MAPT: variants seen among roughly 807,000 people sequenced by gnomAD.
MAPT encodes the protein microtubule associated protein tau.
Under a neutral mutation model 67.9 loss-of-function variants are expected in MAPT, and 34 were observed. That is an observed-to-expected ratio of 0.50 (90% confidence interval 0.38 to 0.67). The LOEUF (loss-of-function observed/expected upper bound fraction) is 0.67, where lower values mean the gene tolerates loss of function less well. Among genes scored for constraint, MAPT ranks in the 30% least tolerant of loss-of-function variants. The pLI, the probability that MAPT is intolerant of heterozygous loss-of-function variation, is 0.00. For missense variants in MAPT, 881 were observed against 1,115.2 expected (o/e 0.79, Z 2.99); for synonymous variants, 456 against 464.5 (o/e 0.98, Z 0.23).
chr17:45,919,549 T>TC (rs1297955981), intron 1 of MAPT, among the ~76,000 whole-genome samples: 1 of 152,116 alleles, frequency 6.6e-6, no homozygotes, highest in Non-Finnish European at 1.5e-5. Context: ...GTTTCTACCT[T>TC]CCCCTCCCTA....
chr17:45,916,131 C>T (rs994693201), intron 1 of MAPT, among the ~76,000 whole-genome samples: 1 of 152,172 alleles, frequency 6.6e-6, no homozygotes, highest in Admixed American at 6.5e-5. Context: ...GGACTGAGAG[C>T]GCAGCCCCAG....
rs1172399681 is a variant in MAPT at position 46,023,937 on chromosome 17, T to TC, written c.2287-16dup. The TC allele has an allele frequency of 6.2e-7, 1 of 1,610,172 alleles. No individual in the cohort carries two copies. Among genetic ancestry groups the TC allele is most frequent in the Non-Finnish European group, 8.5e-7 (1 of 1,177,044 alleles). On this transcript the variant is annotated intron_variant, in intron 12 of 12. Coordinates refer to ENST00000262410, the MANE Select transcript of MAPT (RefSeq NM_001377265.1). Reference sequence around the variant, plus strand: ...CTCTGGCACTTCATCTCACCCTCCCTCCCTTCCTCTTCTTGCAGATTGAAA... The same window carrying TC: ...CTCTGGCACTTCATCTCACCCTCCCTCCCCTTCCTCTTCTTGCAGATTGAAA...
intron 1 of MAPT, among the ~76,000 whole-genome samples, chr17:45,914,205 G>GAAGGTGTGGGCAGCC (rs1555677718): frequency 1.3e-5 from 2 of 148,770 alleles, no homozygotes; most frequent in Non-Finnish European, 3.0e-5. Context: ...TCAGGGATCT[G>GAAGGTGTGGGCAGCC]AGGGTGTGGG....
intron 4 of MAPT, 76 bp from the exon 5 acceptor site, chr17:45,982,790 C>T: frequency 1.3e-6 from 1 of 769,106 alleles, no homozygotes; most frequent in Non-Finnish European, 1.6e-6. Context: ...GTCATTTTGT[C>T]CAGGATGATG....
chr17:45,895,081 GT>G (rs951757210), intron 1 of MAPT: 1 of 154,960 alleles, frequency 6.5e-6, no homozygotes, highest in Non-Finnish European at 1.4e-5. Flanking sequence ...GTGTGTGTGT[GT>G]GTGTGTGTGG....
chr17:45,953,621 C>G (rs1413483474), intron 1 of MAPT, among the ~76,000 whole-genome samples: 1 of 152,188 alleles, frequency 6.6e-6, no homozygotes, highest in African/African-American at 2.4e-5. Context: ...GAGTTGATTT[C>G]TGCATCAGCC....
chr17:46,019,148 C>T (rs551082684), intron 12 of MAPT, among the ~76,000 whole-genome samples: 129 of 152,104 alleles, frequency 8.5e-4, no homozygotes, highest in South Asian at 2.1e-3. Flanking sequence ...AAAATCATGG[C>T]GGAAGGCAAA....
intron 10 of MAPT, among the ~76,000 whole-genome samples, chr17:46,012,739 T>A (rs2075900469): frequency 6.6e-6 from 1 of 151,944 alleles, no homozygotes; most frequent in South Asian, 2.1e-4. Flanking sequence ...GGCCGTTCCC[T>A]GGTCCCTGTC....
chr17:46,012,491 G>A (rs1011389304), intron 10 of MAPT, among the ~76,000 whole-genome samples: 6 of 152,148 alleles, frequency 3.9e-5, no homozygotes, highest in African/African-American at 1.4e-4. Context: ...TTCTCCTGGT[G>A]AGAAGAGATG....
chr17:45,956,548 T>TTATA (rs57223421), intron 1 of MAPT, among the ~76,000 whole-genome samples: 23 of 95,244 alleles, frequency 2.4e-4, no homozygotes, highest in African/African-American at 9.0e-4. Flanking sequence ...GCAGGTTCTT[T>TTATA]TATATATATA....
chr17:46,005,457 A>G (rs1185231253), intron 9 of MAPT, among the ~76,000 whole-genome samples: 1 of 152,238 alleles, frequency 6.6e-6, no homozygotes, highest in Non-Finnish European at 1.5e-5. Flanking sequence ...CTGAAAAGTT[A>G]TGAATAAAAA....
At chr17:46,012,936 C>T (rs1395573425) in intron 10 of MAPT, among the ~76,000 whole-genome samples, 1 of 152,144 alleles carries the variant, frequency 6.6e-6, no homozygotes, top group Non-Finnish European at 1.5e-5. Flanking sequence ...CCCCCAACGT[C>T]CTTGCCACAG....
chr17:45,937,240 G>C (rs2067419842), intron 1 of MAPT, among the ~76,000 whole-genome samples: 1 of 152,064 alleles, frequency 6.6e-6, no homozygotes, highest in Admixed American at 6.6e-5. Context: ...CCTCTGCCCT[G>C]GTCTCCATCC....
At chr17:45,908,193 G>C (rs1323142290) in intron 1 of MAPT, 1 of 152,280 alleles carries the variant, frequency 6.6e-6, no homozygotes, top group African/African-American at 2.4e-5. Flanking sequence ...GCTGTGGGCA[G>C]GTCCACACTT....
At chr17:45,945,059 C>A (rs1245055120) in intron 1 of MAPT, among the ~76,000 whole-genome samples, 1 of 152,200 alleles carries the variant, frequency 6.6e-6, no homozygotes, top group African/African-American at 2.4e-5. Context: ...TATGTACCCA[C>A]AAAGGTGTGG....
At chr17:45,984,134 G>A (rs2073301787) in intron 5 of MAPT, among the ~76,000 whole-genome samples, 1 of 152,138 alleles carries the variant, frequency 6.6e-6, no homozygotes, top group African/African-American at 2.4e-5. Flanking sequence ...CGCCCCTCAC[G>A]CTTGCCCGCC....
intron 1 of MAPT, chr17:45,910,785 T>G (rs558037530): frequency 6.6e-6 from 1 of 152,034 alleles, no homozygotes; most frequent in East Asian, 1.9e-4. Context: ...GGGAGAAATC[T>G]TGGAGTCCAG....
At chr17:45,962,211 A>G in intron 1 of MAPT, 110 bp from the exon 2 acceptor site, 1 of 865,716 alleles carries the variant, frequency 1.2e-6, no homozygotes, top group African/African-American at 1.7e-5. Flanking sequence ...GGTAGCAGGG[A>G]GGCTGAGATC....
chr17:45,937,594 A>G (rs1023643823), intron 1 of MAPT, among the ~76,000 whole-genome samples: 1 of 146,004 alleles, frequency 6.8e-6, no homozygotes, highest in African/African-American at 2.4e-5. Flanking sequence ...CCTATCTCAA[A>G]AAAAGAAAAA....
Sources: allele counts gnomAD v4.1 joint callset (sites outside exome capture counted in the v4.1 genomes callset), GRCh38; gene constraint gnomAD v4.1.1; transcripts MANE v1.5; gene names NCBI Gene and HGNC (gene_info 2026-07-23, HGNC 2026-07-21).